Variants in TTL observed in about 807,000 individuals in gnomAD.
The protein encoded by TTL is tubulin--tyrosine ligase.
In TTL, 10 loss-of-function variants were observed where a neutral mutation model predicts 41.1. That is an observed-to-expected ratio of 0.24 (90% CI 0.15 to 0.41). The LOEUF (loss-of-function observed/expected upper bound fraction) is 0.41. Among genes scored for constraint, TTL ranks in the 10% least tolerant of loss-of-function variants. The pLI, the probability that TTL is intolerant of heterozygous loss-of-function variation, is 1.00. For synonymous variants in TTL, 175 were observed against 175.5 expected, an observed-to-expected ratio of 1.00 and a Z score of 0.02; for missense variants, 367 against 460.4, an observed-to-expected ratio of 0.80 and a Z score of 1.86.
intron 2 of TTL, among the ~76,000 whole-genome samples, chr2:112,487,003 A>G (rs1207265442): frequency 6.6e-6 from 1 of 152,130 alleles, no homozygotes; most frequent in Non-Finnish European, 1.5e-5. Flanking sequence ...CTATTAGTAT[A>G]GTTGTCATTG....
intron 5 of TTL, among the ~76,000 whole-genome samples, chr2:112,514,207 C>T: frequency 6.6e-6 from 1 of 152,024 alleles, no homozygotes; most frequent in Admixed American, 6.6e-5. Context: ...CATGCTGAAA[C>T]CCCATCTCTA....
In TTL at chr2:112,501,246, C is replaced by A. The variant is rs768811629; in HGVS notation, c.510C>A (p.Leu170=). 1.2e-6 allele frequency: 2 copies of A among 1,613,782 alleles called. No individual in the cohort carries two copies. Among genetic ancestry groups the A allele is most frequent in the Admixed American group, 3.3e-5 (2 of 59,996 alleles). ...ILISSEASEL[L]DFIDNQGQVH... is the part of the protein sequence containing the mutation. ...TCTCCTCAGAGGCTTCAGAGCTTCTCGATTTCATAGACAACCAGGGCCAAG... is the reference window on the plus strand; with the variant it reads ...TCTCCTCAGAGGCTTCAGAGCTTCTAGATTTCATAGACAACCAGGGCCAAG... Residue 170 remains leucine, a synonymous_variant, in exon 4 of 7, where the codon CTC becomes CTA. Coordinates refer to ENST00000233336, the MANE Select transcript of TTL (RefSeq NM_153712.5).
In TTL at chr2:112,533,266, G is replaced by C. The variant is rs1682544267; in HGVS notation, c.*4471G>C. 6.6e-6 allele frequency: 1 copy of C among 152,366 alleles called. No homozygotes were observed. Among genetic ancestry groups the C allele is most frequent in the Non-Finnish European group, 1.5e-5 (1 of 68,368 alleles). The allele number at this position is 152,366 out of a possible 1,614,324, so 9.4% of individuals were successfully genotyped here. A position where few individuals can be genotyped will look rare whatever the true frequency, so the allele number is the denominator to read the frequency against. On this transcript the variant is annotated 3_prime_UTR_variant, in exon 7 of 7. Transcript: ENST00000233336. ...ATTCCCAGTGGACTCAGCAGAGATT[G>C]CATGGGCAGGGTGCAGGGTGCAGGG...
At chr2:112,510,607 G>T (rs970428148) in intron 5 of TTL, among the ~76,000 whole-genome samples, 4 of 152,128 alleles carry the variant, frequency 2.6e-5, no homozygotes, top group African/African-American at 9.7e-5. Flanking sequence ...GTGTAGCTGG[G>T]ATTACAGGCA....
In TTL at chr2:112,533,536, G is replaced by T. The variant is rs1351378692; in HGVS notation, c.*4741G>T. On this transcript the variant is annotated 3_prime_UTR_variant, in exon 7 of 7. Transcript: ENST00000233336. ...TTACAGAGAAGTGTATGTGGCTCAC[G>T]GTTCTGGAGGATGAGAAGTCCAATA... 1 of 152,340 alleles carries T rather than the reference G, an allele frequency of 6.6e-6. No individual in the cohort carries two copies. Among genetic ancestry groups the T allele is most frequent in the Non-Finnish European group, 1.5e-5 (1 of 68,046 alleles). The allele number at this position is 152,340 out of a possible 1,614,324, so 9.4% of individuals were successfully genotyped here. A position where few individuals can be genotyped will look rare whatever the true frequency, so the allele number is the denominator to read the frequency against.
At chr2:112,495,411 G>C (rs1681499033) in intron 3 of TTL, among the ~76,000 whole-genome samples, 1 of 152,120 alleles carries the variant, frequency 6.6e-6, no homozygotes, top group Admixed American at 6.5e-5. Flanking sequence ...TTCCTCATAG[G>C]CAGTCAACAA....
chr2:112,521,472 A>G, intron 6 of TTL: 1 of 583,152 alleles, frequency 1.7e-6, no homozygotes, highest in Non-Finnish European at 2.2e-6. Context: ...TCCCATCTAC[A>G]TCTTGAAGAA....
chr2:112,520,851 G>T (rs1170196130), intron 6 of TTL, among the ~76,000 whole-genome samples: 1 of 152,198 alleles, frequency 6.6e-6, no homozygotes, highest in East Asian at 1.9e-4. Flanking sequence ...CTGGGAGGTT[G>T]AGGCTGCAGT....
chr2:112,489,313 T>C (rs1324556703), intron 2 of TTL, among the ~76,000 whole-genome samples: 2 of 152,230 alleles, frequency 1.3e-5, no homozygotes, highest in Admixed American at 6.5e-5. Context: ...ACATAAAAAA[T>C]GTATGGTTGA....
rs769168751 is a variant in TTL at position 112,532,492 on chromosome 2, G to A, written c.*3697G>A. 4 of 216,634 alleles carry A rather than the reference G, an allele frequency of 1.8e-5. No individual in the cohort carries two copies. The highest frequency in any genetic ancestry group is 1.3e-4 in the East Asian group (2 of 14,834). The allele number at this position is 216,634 out of a possible 1,614,324, so 13.4% of individuals were successfully genotyped here. A position where few individuals can be genotyped will look rare whatever the true frequency, so the allele number is the denominator to read the frequency against. ...ATTTAAATTCACCATATAATTAGCC[G>A]GGCATGGTGGCATGTGGTGGTGGCT... is the stretch of plus-strand genomic sequence containing the variant. On this transcript the variant is annotated 3_prime_UTR_variant, in exon 7 of 7. Coordinates refer to ENST00000233336, the MANE Select transcript of TTL (RefSeq NM_153712.5).
At chr2:112,503,273 CT>C in intron 5 of TTL, 92 bp downstream of exon 5, 1 of 1,212,906 alleles carries the variant, frequency 8.2e-7, no homozygotes, top group East Asian at 2.5e-5. Flanking sequence ...TATAAGTTGT[CT>C]AATTTATGGT....
In TTL at chr2:112,540,439, A is replaced by AC. The variant is rs903796596; in HGVS notation, c.*11644_*11645insC. 3 of 127,432 alleles carry AC rather than the reference A, an allele frequency of 2.4e-5. No individual in the cohort carries two copies. The highest frequency in any genetic ancestry group is 7.4e-5 in the African/African-American group (3 of 40,522). The allele number at this position is 127,432 out of a possible 1,614,324, so 7.9% of individuals were successfully genotyped here. On this transcript the variant is annotated 3_prime_UTR_variant, in exon 7 of 7. Transcript: ENST00000233336. ...GTCTCAAAAAAACAAAAAACAAAAA[A>AC]AAAAAAAAAAGAGAAAGAAATTGAC...
chr2:112,494,877 A>T (rs1012603631), intron 3 of TTL, among the ~76,000 whole-genome samples: 1 of 152,040 alleles, frequency 6.6e-6, no homozygotes, highest in Non-Finnish European at 1.5e-5. Context: ...CAAAACCCCC[A>T]TTCTTTTTAC....
intron 2 of TTL, among the ~76,000 whole-genome samples, chr2:112,488,699 A>T (rs1681304464): frequency 6.6e-6 from 1 of 151,622 alleles, no homozygotes; most frequent in Non-Finnish European, 1.5e-5. Flanking sequence ...TGGAGGTTGC[A>T]GTGAGCCGAG....
chr2:112,502,688 C>T (rs1454215419), intron 4 of TTL, among the ~76,000 whole-genome samples: 1 of 151,522 alleles, frequency 6.6e-6, no homozygotes, highest in Non-Finnish European at 1.5e-5. Context: ...TCAAATTTCC[C>T]TGTTATTTAT....
At position 112,509,686 on chromosome 2, in the gene TTL, G is replaced by A. The variant is rs569441472; in HGVS notation, c.875+6505G>A. On this transcript the variant is annotated intron_variant, in intron 5 of 6. Coordinates refer to ENST00000233336, the MANE Select transcript of TTL (RefSeq NM_153712.5). ...CCCTGCTTCGGCTCGCGCACGGTGC[G>A]CACACACACTGGCCTGCGCCCACTG... Among the ~76,000 whole-genome samples, 7 of 152,286 alleles carry A rather than the reference G, an allele frequency of 4.6e-5. No individual in the cohort carries two copies. In the South Asian group the frequency reaches 1.0e-3, roughly 23 times the overall value.
At position 112,530,935 on chromosome 2, in the gene TTL, A is replaced by G. The variant is rs560183600; in HGVS notation, c.*2140A>G. The G allele has an allele frequency of 5.6e-6, 1 of 177,228 alleles. No homozygotes were observed. Among genetic ancestry groups the G allele is most frequent in the African/African-American group, 2.4e-5 (1 of 42,362 alleles). 11.0% of individuals were successfully genotyped at this position (177,228 alleles called of 1,614,324 possible). On this transcript the variant is annotated 3_prime_UTR_variant, in exon 7 of 7. Coordinates refer to ENST00000233336, the MANE Select transcript of TTL (RefSeq NM_153712.5). Reference sequence around the variant, plus strand: ...TTAAATTTTTAAAATTTGATTTTAAATTTCAAATAAATTTAAATAAATTTT... The same window carrying G: ...TTAAATTTTTAAAATTTGATTTTAAGTTTCAAATAAATTTAAATAAATTTT...
At position 112,515,552 on chromosome 2, in the gene TTL, T is replaced by C. The variant is rs1682044667; in HGVS notation, c.876-4730T>C. The stretch of plus-strand genomic sequence containing the variant: ...AACATCCACAAAGTGTACAGTCTGG[T>C]GAGTTTTCAGTTATGCATGTACTCA... On this transcript the variant is annotated intron_variant, in intron 5 of 6. Coordinates refer to ENST00000233336, the MANE Select transcript of TTL (RefSeq NM_153712.5). Among the ~76,000 whole-genome samples, 3 of 152,348 alleles carry C rather than the reference T, an allele frequency of 2.0e-5. No homozygotes were observed. The South Asian group carries it at 6.2e-4, about 32-fold the overall frequency.
intron 5 of TTL, among the ~76,000 whole-genome samples, chr2:112,509,349 C>A (rs62157523): frequency 6.6e-6 from 1 of 151,672 alleles, no homozygotes; most frequent in African/African-American, 2.4e-5. Context: ...CCACCCAGTT[C>A]GAGCTTCCTG....
Sources: gnomAD v4.1 joint callset for allele counts (sites outside exome capture counted in the v4.1 genomes callset) on GRCh38, gnomAD v4.1.1 for gene constraint, MANE v1.5 for transcripts, NCBI Gene and HGNC (gene_info 2026-07-23, HGNC 2026-07-21) for gene names.